C9: variants seen among roughly 807,000 people sequenced by gnomAD.
C9 encodes complement C9.
In C9, 63 loss-of-function variants were observed where a neutral mutation model predicts 65.4. The observed-to-expected ratio is 0.96, with a 90% CI of 0.79 to 1.19. The LOEUF (loss-of-function observed/expected upper bound fraction) is 1.19, where lower values mean the gene tolerates loss of function less well. Among genes scored for constraint, C9 ranks in the 50% most tolerant of loss-of-function variants. The pLI, the probability that C9 is intolerant of heterozygous loss-of-function variation, is 0.00. For synonymous variants in C9, 229 were observed against 227.9 expected, an observed-to-expected ratio of 1.00 and a Z score of -0.04; for missense variants, 744 against 670.1, an observed-to-expected ratio of 1.11 and a Z score of -1.22.
chr5:39,341,363 A>G, intron 3 of C9, 70 bp from the exon 4 acceptor site: 1 of 1,568,590 alleles, frequency 6.4e-7, no homozygotes, highest in South Asian at 1.1e-5. Context: ...GAAGTTATCA[A>G]ATGCATTTTA....
At chr5:39,330,398 C>T (rs3822463) in intron 5 of C9, among the ~76,000 whole-genome samples, 15,804 of 152,094 alleles carry the variant, frequency 0.1, 1,003 homozygotes, top group African/African-American at 0.18. Flanking sequence ...AGCCCCTAGC[C>T]GTCACTATTC....
intron 4 of C9, among the ~76,000 whole-genome samples, chr5:39,340,193 A>C (rs1754049100): frequency 6.6e-6 from 1 of 151,964 alleles, no homozygotes; most frequent in East Asian, 1.9e-4. Context: ...TCCACCTACC[A>C]AGTATTTACT....
At chr5:39,317,063 A>C (rs749040569) in intron 5 of C9, among the ~76,000 whole-genome samples, 1 of 152,138 alleles carries the variant, frequency 6.6e-6, no homozygotes, top group Non-Finnish European at 1.5e-5. Flanking sequence ...ATGGTATCTC[A>C]TTGTGGTTTT....
At chr5:39,310,069 A>G (rs930814578) in intron 7 of C9, among the ~76,000 whole-genome samples, 12 of 152,100 alleles carry the variant, frequency 7.9e-5, no homozygotes, top group African/African-American at 2.9e-4. Flanking sequence ...GTAACATTAC[A>G]TTCCACTCCC....
At chr5:39,312,049 C>A (rs1483963776) in intron 6 of C9, among the ~76,000 whole-genome samples, 1 of 152,008 alleles carries the variant, frequency 6.6e-6, no homozygotes, top group East Asian at 1.9e-4. Context: ...CGGAAAAGGG[C>A]ATAAGGAATT....
intron 4 of C9, among the ~76,000 whole-genome samples, chr5:39,339,985 C>A (rs1468155620): frequency 2.0e-5 from 3 of 152,084 alleles, no homozygotes; most frequent in African/African-American, 7.2e-5. Flanking sequence ...GGAAAAATTA[C>A]CACTGATTGA....
At chr5:39,357,381 G>A (rs979335905) in intron 1 of C9, among the ~76,000 whole-genome samples, 3 of 152,124 alleles carry the variant, frequency 2.0e-5, no homozygotes, top group African/African-American at 7.2e-5. Flanking sequence ...AGTTTTTAAC[G>A]AACCTTTCCT....
At chr5:39,295,374 T>C (rs565739909) in intron 9 of C9, among the ~76,000 whole-genome samples, 1 of 151,600 alleles carries the variant, frequency 6.6e-6, no homozygotes, top group Non-Finnish European at 1.5e-5. Context: ...GAATATAAAA[T>C]CAACATGCAA....
intron 1 of C9, among the ~76,000 whole-genome samples, chr5:39,359,992 G>C (rs1402308722): frequency 6.6e-6 from 1 of 152,130 alleles, no homozygotes; most frequent in Non-Finnish European, 1.5e-5. Flanking sequence ...CACTTGCATG[G>C]AATATAAAAA....
chr5:39,291,463 T>G (rs1366330702), intron 9 of C9, among the ~76,000 whole-genome samples: 3 of 151,826 alleles, frequency 2.0e-5, no homozygotes, highest in African/African-American at 7.3e-5. Flanking sequence ...ATCCATATAT[T>G]TTGAGCCCCA....
At chr5:39,306,471 T>C (rs151013984) in intron 9 of C9, 146 bp downstream of exon 9, 483 of 702,196 alleles carry the variant, frequency 6.9e-4, no homozygotes, top group Non-Finnish European at 1.0e-3. Context: ...CTTTTCTCTA[T>C]GCCATGCCTC....
chr5:39,339,389 G>A (rs1197567359), intron 4 of C9, among the ~76,000 whole-genome samples: 1 of 152,178 alleles, frequency 6.6e-6, no homozygotes, highest in African/African-American at 2.4e-5. Flanking sequence ...TTCTTACCTA[G>A]ATTTAAGAAG....
At chr5:39,294,425 G>A (rs1297891984) in intron 9 of C9, among the ~76,000 whole-genome samples, 1 of 151,752 alleles carries the variant, frequency 6.6e-6, no homozygotes, top group African/African-American at 2.4e-5. Flanking sequence ...ATTAGATACT[G>A]CTATGAACAA....
chr5:39,292,668 T>C (rs834523), intron 9 of C9, among the ~76,000 whole-genome samples: 2,678 of 151,688 alleles, frequency 0.018, 95 homozygotes, highest in African/African-American at 0.062. Context: ...ATAGTGTATG[T>C]AAAAATTTAA....
At chr5:39,343,319 A>G (rs1754126653) in intron 1 of C9, among the ~76,000 whole-genome samples, 1 of 152,202 alleles carries the variant, frequency 6.6e-6, no homozygotes, top group South Asian at 2.1e-4. Flanking sequence ...AAATCGGGTC[A>G]CTTCCACCCC....
At chr5:39,315,259 G>A (rs963205075) in intron 6 of C9, among the ~76,000 whole-genome samples, 11 of 152,068 alleles carry the variant, frequency 7.2e-5, no homozygotes, top group African/African-American at 2.4e-4. Context: ...TCCAAGAGTG[G>A]TAGAACAAAC....
chr5:39,299,009 T>A (rs190847352), intron 9 of C9, among the ~76,000 whole-genome samples: 1 of 151,998 alleles, frequency 6.6e-6, no homozygotes, highest in East Asian at 1.9e-4. Flanking sequence ...ACAAAAATTC[T>A]GAGCAAACTA....
At chr5:39,330,153 T>C (rs1753815674) in intron 5 of C9, among the ~76,000 whole-genome samples, 1 of 151,794 alleles carries the variant, frequency 6.6e-6, no homozygotes, top group South Asian at 2.1e-4. Flanking sequence ...GTAAAAGGTA[T>C]CTATAGTCTT....
intron 9 of C9, among the ~76,000 whole-genome samples, chr5:39,293,750 G>A (rs531947149): frequency 5.3e-5 from 8 of 151,778 alleles, no homozygotes; most frequent in African/African-American, 1.9e-4. Context: ...AGCTGCAGAG[G>A]GCACATTCTT....
Sources: allele counts gnomAD v4.1 joint callset (sites outside exome capture counted in the v4.1 genomes callset), GRCh38; gene constraint gnomAD v4.1.1; transcripts MANE v1.5; gene names NCBI Gene and HGNC (gene_info 2026-07-23, HGNC 2026-07-21).